Variants in ATAD2 observed in about 807,000 individuals in gnomAD.
ATAD2 encodes ATPase family AAA domain-containing protein 2.
Under a neutral mutation model 168.9 loss-of-function variants are expected in ATAD2, and 62 were observed. The ratio of observed to expected loss-of-function variants is 0.37; its 90% CI spans 0.30 to 0.45. The LOEUF (loss-of-function observed/expected upper bound fraction) is 0.45. ATAD2 is among the 20% of genes least tolerant of loss of function. ATAD2 has a pLI of 1.00. For missense variants in ATAD2, 1,419 were observed against 1,667.8 expected, an observed-to-expected ratio of 0.85 and a Z score of 2.60; for synonymous variants, 613 against 571.6, an observed-to-expected ratio of 1.07 and a Z score of -1.03.
chr8:123,346,842 A>T (rs1033336425), intron 16 of ATAD2, 92 bp from the exon 17 acceptor site: 1 of 1,339,114 alleles, frequency 7.5e-7, no homozygotes, highest in African/African-American at 1.5e-5. Context: ...CTTCAATTAA[A>T]TTTTTTCAAA....
chr8:123,366,102 G>T (rs1465054641), intron 8 of ATAD2, among the ~76,000 whole-genome samples: 2 of 152,078 alleles, frequency 1.3e-5, no homozygotes, highest in African/African-American at 4.8e-5. Flanking sequence ...CAAAAAGTGG[G>T]CTATGGACAT....
At chr8:123,361,446 C>T (rs1828819646) in intron 9 of ATAD2, 93 bp downstream of exon 9, 3 of 958,572 alleles carry the variant, frequency 3.1e-6, no homozygotes, top group Non-Finnish European at 4.9e-6. Flanking sequence ...TTTTAATCAG[C>T]CAGCCTATAC....
chr8:123,359,271 A>C lies in ATAD2; in HGVS notation c.1332T>G (p.Phe444Leu), dbSNP rs761024609. ...CAAAGACTTCTGGATAAAGTAATGG[A>C]AACACCACCATCTCTTTTAGAGCTG... ...HIAALKEMVVFPLLYPEVFEK... is the reference protein window; with the variant it reads ...HIAALKEMVVLPLLYPEVFEK... The change falls in exon 11 of 28, where the codon TTT (phenylalanine) becomes TTG (leucine). Residue 444 changes from phenylalanine (F) to leucine (L), a missense_variant. Phe to Leu is a conservative substitution (Grantham distance 22). This residue lies in a region of ATAD2 where 146 missense variants were observed against 188.3 expected (regional missense o/e 0.78). Transcript: ENST00000287394. The C allele has an allele frequency of 1.2e-6, 2 of 1,612,626 alleles. No homozygotes were observed. Among genetic ancestry groups the C allele is most frequent in the East Asian group, 2.2e-5 (1 of 44,826 alleles).
intron 1 of ATAD2, among the ~76,000 whole-genome samples, chr8:123,414,560 G>T (rs979427147): frequency 7.2e-5 from 11 of 152,146 alleles, no homozygotes; most frequent in African/African-American, 2.7e-4. Flanking sequence ...GGAGTTTGAG[G>T]CTGTAGTGAG....
rs762915895 is a variant in ATAD2 at position 123,361,588 on chromosome 8, G to A, written c.1108C>T (p.Gln370Ter). 3.1e-6 allele frequency: 5 copies of A among 1,613,456 alleles called. No homozygotes were observed. The highest frequency in any genetic ancestry group is 2.5e-6 in the Non-Finnish European group (3 of 1,179,582). The change falls in exon 9 of 28, where the codon CAG becomes TAG. Residue 370 changes from glutamine (Q) to a stop codon, truncating the protein, a stop_gained. Coordinates refer to ENST00000287394, the MANE Select transcript of ATAD2 (RefSeq NM_014109.4). LOFTEE classifies it high-confidence loss of function. Reference sequence around the variant, plus strand: ...CTTTTCCTCCGCCTCTCAAAGTGCTGTTCATCTTCAGAGGAGGAAGATGAA... The same window carrying A: ...CTTTTCCTCCGCCTCTCAAAGTGCTATTCATCTTCAGAGGAGGAAGATGAA... ...STSSSSSEDE[Q>*]HFERRRKRSR...
At chr8:123,359,540 T>A in intron 10 of ATAD2, 37 bp downstream of exon 10, 1 of 1,529,808 alleles carries the variant, frequency 6.5e-7, no homozygotes, top group Non-Finnish European at 9.0e-7. Context: ...CAAAGCACAT[T>A]ATAGTTCAAG....
At chr8:123,389,984 A>ATATATATATATATATATATATT (rs1232318597) in intron 1 of ATAD2, among the ~76,000 whole-genome samples, 1 of 115,186 alleles carries the variant, frequency 8.7e-6, no homozygotes, top group South Asian at 2.6e-4. Flanking sequence ...ATATATATAT[A>ATATATATATATATATATATATT]TTTTTTTTTT....
Position 123,328,537 on chromosome 8 carries a change from A to C in ATAD2, c.3521T>G (p.Leu1174Ter). 2 of 1,576,150 alleles carry C rather than the reference A, an allele frequency of 1.3e-6. No individual in the cohort carries two copies. The highest frequency in any genetic ancestry group is 1.7e-6 in the Non-Finnish European group (2 of 1,165,426). The change falls in exon 25 of 28, where the codon TTA (leucine) becomes TGA (stop). Residue 1174 changes from leucine to a stop codon, truncating the protein, a stop_gained. Transcript: ENST00000287394. LOFTEE classifies it high-confidence loss of function. ...CTTCCTTCGCTTTTTTATGGTGCCT[A>C]AGTACCAGTTTGACTTTTTGCGAAT... Reference protein sequence around the residue: ...RKIRKKSNWYLGTIKKRRKIS... With the variant: ...RKIRKKSNWY
At position 123,340,216 on chromosome 8, in the gene ATAD2, C is replaced by G. The variant is rs979902972; in HGVS notation, c.2719-770G>C. 7.2e-5 allele frequency among the ~76,000 whole-genome samples: 11 copies of G among 152,022 alleles called. No individual in the cohort carries two copies. In the East Asian group the frequency reaches 1.7e-3, roughly 24 times the overall value. The stretch of plus-strand genomic sequence containing the variant: ...TGATACTTAAAAGGTTTGTTGAGAT[C>G]AATTAATTCATTTTCCCAACCCCAA... On this transcript the variant is annotated intron_variant, in intron 19 of 27. Transcript: ENST00000287394.
rs1460461551 is a variant in ATAD2 at position 123,346,133 on chromosome 8, C to T, written c.2485G>A (p.Val829Ile). ...KFTVYTLDIPVLFGVSTTSPE... is the reference protein window; with the variant it reads ...KFTVYTLDIPILFGVSTTSPE... The stretch of plus-strand genomic sequence containing the variant: ...GATGTAGTACTAACTCCAAAAAGAA[C>T]AGGAATGTCTAATGTATATACAGTA... Residue 829 changes from valine (V) to isoleucine (I), a missense_variant, in exon 18 of 28, where the codon GTT becomes ATT. Around this residue, in one of 5 missense-constraint regions of ATAD2, gnomAD observed 545 missense variants for 724.9 expected, o/e 0.75. Coordinates refer to ENST00000287394, the MANE Select transcript of ATAD2 (RefSeq NM_014109.4). 3 of 1,598,948 alleles carry T rather than the reference C, an allele frequency of 1.9e-6. No individual in the cohort carries two copies. Among genetic ancestry groups the T allele is most frequent in the African/African-American group, 1.4e-5 (1 of 73,798 alleles).
At chr8:123,377,780 C>T (rs141471131) in intron 2 of ATAD2, among the ~76,000 whole-genome samples, 25 of 152,316 alleles carry the variant, frequency 1.6e-4, no homozygotes, top group African/African-American at 4.3e-4. Flanking sequence ...CATGCTACCA[C>T]ATCATATTGC....
intron 1 of ATAD2, among the ~76,000 whole-genome samples, chr8:123,392,752 G>A (rs575640449): frequency 7.9e-5 from 12 of 152,266 alleles, no homozygotes; most frequent in Non-Finnish European, 1.5e-4. Context: ...AATAGAGTGC[G>A]TTTTGTAAAG....
intron 1 of ATAD2, among the ~76,000 whole-genome samples, chr8:123,387,895 A>C (rs1477447139): frequency 1.3e-5 from 2 of 152,196 alleles, no homozygotes; most frequent in African/African-American, 4.8e-5. Flanking sequence ...TGTTTGAGTC[A>C]ATTCAAATAT....
chr8:123,386,749 C>T (rs979277721), intron 1 of ATAD2, among the ~76,000 whole-genome samples: 1 of 151,782 alleles, frequency 6.6e-6, no homozygotes, highest in African/African-American at 2.4e-5. Context: ...CCTTACAAAA[C>T]AAGAAAAGGG....
At chr8:123,343,378 T>C (rs779431079) in intron 19 of ATAD2, among the ~76,000 whole-genome samples, 2 of 152,136 alleles carry the variant, frequency 1.3e-5, no homozygotes, top group Non-Finnish European at 2.9e-5. Context: ...ACAATAATAG[T>C]TAGTATTACA....
chr8:123,413,917 C>T (rs189572905), intron 1 of ATAD2, among the ~76,000 whole-genome samples: 1 of 151,178 alleles, frequency 6.6e-6, no homozygotes, highest in Admixed American at 6.6e-5. Flanking sequence ...GGAGGGTGGC[C>T]GAGGCGGGCA....
At chr8:123,360,934 A>C (rs1828797918) in intron 9 of ATAD2, among the ~76,000 whole-genome samples, 1 of 148,030 alleles carries the variant, frequency 6.8e-6, no homozygotes, top group Non-Finnish European at 1.5e-5. Flanking sequence ...TCATTATTAT[A>C]AGCAAAAAAA....
rs1173271165 is a variant in ATAD2 at position 123,407,300 on chromosome 8, A to G, written c.-2281-6125T>C. ...TACCAAGTTTGTGGTAATTTGTTAC[A>G]TATAGCACCCCTGGGAAATGTATAT... On this transcript the variant is annotated intron_variant, in intron 1 of 28. Coordinates refer to the ATAD2 transcript ENST00000521903. Among the ~76,000 whole-genome samples, 5 of 152,354 alleles carry G rather than the reference A, an allele frequency of 3.3e-5. No homozygotes were observed. The East Asian group carries it at 9.6e-4, about 29-fold the overall frequency.
chr8:123,342,697 C>T (rs1417572504), intron 19 of ATAD2, among the ~76,000 whole-genome samples: 1 of 152,130 alleles, frequency 6.6e-6, no homozygotes, highest in African/African-American at 2.4e-5. Context: ...ACTTAATATT[C>T]ATTTCCTAGC....
Sources: allele counts gnomAD v4.1 joint callset (sites outside exome capture counted in the v4.1 genomes callset), GRCh38; gene constraint gnomAD v4.1.1; regional missense constraint gnomAD v4.1.1; transcripts MANE v1.5; gene names NCBI Gene and HGNC (gene_info 2026-07-23, HGNC 2026-07-21).